PHC3: variants seen among roughly 807,000 people sequenced by gnomAD.
PHC3 encodes the protein polyhomeotic homolog 3.
Under a neutral mutation model 107.4 loss-of-function variants are expected in PHC3, and 13 were observed. The observed-to-expected ratio is 0.12, with a 90% CI of 0.08 to 0.19. The LOEUF is 0.19. Ranked by LOEUF, PHC3 falls within the 10% of genes least tolerant of loss-of-function variation. The pLI, the probability that PHC3 is intolerant of heterozygous loss-of-function variation, is 1.00. For missense variants in PHC3, 992 were observed against 1,210.9 expected, an observed-to-expected ratio of 0.82 and a Z score of 2.68; for synonymous variants, 456 against 427.4, an observed-to-expected ratio of 1.07 and a Z score of -0.83.
intron 7 of PHC3, among the ~76,000 whole-genome samples, chr3:170,133,507 A>G (rs1011511320): frequency 6.6e-6 from 1 of 152,190 alleles, no homozygotes; most frequent in Non-Finnish European, 1.5e-5. Flanking sequence ...AAAAGCAGAA[A>G]AACTAAAAAG....
chr3:170,180,183 G>C (rs1021959734), intron 1 of PHC3, among the ~76,000 whole-genome samples: 6 of 151,202 alleles, frequency 4.0e-5, no homozygotes, highest in African/African-American at 1.2e-4. Context: ...GGGGCCTTGA[G>C]TGGCGGTTCA....
intron 4 of PHC3, among the ~76,000 whole-genome samples, chr3:170,163,382 A>G (rs986136618): frequency 2.6e-5 from 4 of 151,948 alleles, no homozygotes; most frequent in African/African-American, 9.7e-5. Flanking sequence ...CATAGCCCTT[A>G]AGTCACTCAG....
chr3:170,124,227 T>C (rs1052713738), intron 8 of PHC3, among the ~76,000 whole-genome samples: 1 of 152,226 alleles, frequency 6.6e-6, no homozygotes, highest in African/African-American at 2.4e-5. Context: ...TTTGTTATCA[T>C]TTATTATTTA....
At chr3:170,120,419 C>G (rs1391638771) in intron 9 of PHC3, among the ~76,000 whole-genome samples, 1 of 151,834 alleles carries the variant, frequency 6.6e-6, no homozygotes, top group East Asian at 1.9e-4. Context: ...AACCCCGTGT[C>G]CACTAAAATA....
At chr3:170,172,006 A>C (rs1429662611) in intron 3 of PHC3, among the ~76,000 whole-genome samples, 1 of 152,206 alleles carries the variant, frequency 6.6e-6, no homozygotes, top group Non-Finnish European at 1.5e-5. Context: ...TAATAATGAA[A>C]TCCTGTTATC....
At position 170,089,508 on chromosome 3, in the gene PHC3, T is replaced by C. The variant is rs1289721053; in HGVS notation, c.*7722A>G. 1.3e-5 allele frequency: 2 copies of C among 152,256 alleles called. No homozygotes were observed. The highest frequency in any genetic ancestry group is 3.8e-4 in the East Asian group (2 of 5,202). 9.4% of individuals were successfully genotyped at this position (152,256 alleles called of 1,614,324 possible). On this transcript the variant is annotated 3_prime_UTR_variant, in exon 15 of 15. Coordinates refer to ENST00000495893, the MANE Select transcript of PHC3 (RefSeq NM_024947.4). ...ATCTTTAAAAGTTGGATATTTGTAA[T>C]AGCTTAAAGTACAGTAACACTTATT...
chr3:170,133,326 G>A (rs889366791), intron 7 of PHC3, among the ~76,000 whole-genome samples: 20 of 151,882 alleles, frequency 1.3e-4, no homozygotes, highest in African/African-American at 3.6e-4. Flanking sequence ...TTACAAGAGC[G>A]CGCCACCATG....
At chr3:170,115,416 G>GTATA in intron 10 of PHC3, among the ~76,000 whole-genome samples, 1 of 151,856 alleles carries the variant, frequency 6.6e-6, no homozygotes, top group East Asian at 1.9e-4. Flanking sequence ...ACCACAGTAT[G>GTATA]TATATGTACA....
At chr3:170,107,676 T>C (rs1172384723) in intron 11 of PHC3, among the ~76,000 whole-genome samples, 2 of 137,590 alleles carry the variant, frequency 1.5e-5, no homozygotes, top group Non-Finnish European at 3.2e-5. Flanking sequence ...AAATAAAAAC[T>C]AGGCTTAAAA....
At chr3:170,126,464 A>G (rs1323576643) in intron 8 of PHC3, among the ~76,000 whole-genome samples, 1 of 148,144 alleles carries the variant, frequency 6.8e-6, no homozygotes, top group Non-Finnish European at 1.5e-5. Context: ...AAGCAACAAA[A>G]TATTTTTGGC....
intron 8 of PHC3, among the ~76,000 whole-genome samples, chr3:170,123,677 C>A (rs1720800010): frequency 6.6e-6 from 1 of 151,614 alleles, no homozygotes; most frequent in Admixed American, 6.6e-5. Context: ...CCTGTAGTTC[C>A]AGCTACTTGG....
chr3:170,113,313 A>G (rs1443160507), intron 11 of PHC3, 47 bp downstream of exon 11: 1 of 1,539,454 alleles, frequency 6.5e-7, no homozygotes, highest in East Asian at 2.3e-5. Flanking sequence ...TTTAAGCAGT[A>G]AAAGTCAAAG....
chr3:170,114,756 G>A (rs1315156403), intron 10 of PHC3, among the ~76,000 whole-genome samples: 3 of 152,150 alleles, frequency 2.0e-5, no homozygotes, highest in Non-Finnish European at 4.4e-5. Context: ...AAAACAGAAT[G>A]ACTAGAACAT....
chr3:170,115,879 A>ACACACACG (rs1022818179), intron 10 of PHC3, among the ~76,000 whole-genome samples: 5 of 144,226 alleles, frequency 3.5e-5, no homozygotes, highest in African/African-American at 1.3e-4. Flanking sequence ...CAAGTTTCTC[A>ACACACACG]CACACACACA....
chr3:170,105,974 G>C (rs375580279), intron 12 of PHC3, among the ~76,000 whole-genome samples: 13 of 152,288 alleles, frequency 8.5e-5, no homozygotes, highest in African/African-American at 3.1e-4. Flanking sequence ...CACTTTGGGA[G>C]GCCAAGGCGG....
intron 5 of PHC3, 45 bp from the exon 6 acceptor site, chr3:170,145,566 A>C: frequency 2.9e-6 from 4 of 1,383,828 alleles, no homozygotes; most frequent in Non-Finnish European, 4.1e-6. Flanking sequence ...ACAAAAGAAC[A>C]TGTCCCACAC....
chr3:170,117,214 C>T lies in PHC3; in HGVS notation c.2193+12G>A, dbSNP rs1260320502. ...AATTACAAACACACACACAAATATG[C>T]TTGCTACTTACAGGAAATGGCTCCA... On this transcript the variant is annotated intron_variant, in intron 10 of 14. Transcript: ENST00000495893. 2 of 1,613,744 alleles carry T rather than the reference C, an allele frequency of 1.2e-6. No individual in the cohort carries two copies. The highest frequency in any genetic ancestry group is 1.3e-5 in the African/African-American group (1 of 74,902).
chr3:170,171,976 C>A (rs7647169), intron 3 of PHC3, among the ~76,000 whole-genome samples: 46,561 of 151,936 alleles, frequency 0.31, 7,194 homozygotes, highest in East Asian at 0.49. Context: ...TAACAAAAAT[C>A]TTTTTTAAAA....
At chr3:170,135,236 C>T (rs756275833) in intron 7 of PHC3, among the ~76,000 whole-genome samples, 7 of 152,018 alleles carry the variant, frequency 4.6e-5, no homozygotes, top group Non-Finnish European at 5.9e-5. Flanking sequence ...CTGCAACCTC[C>T]GCCTCCTAGG....
Sources: gnomAD v4.1 joint callset for allele counts (sites outside exome capture counted in the v4.1 genomes callset) on GRCh38, gnomAD v4.1.1 for gene constraint, MANE v1.5 for transcripts, NCBI Gene and HGNC (gene_info 2026-07-23, HGNC 2026-07-21) for gene names.